The following ZNF518B variants were observed in gnomAD, a reference collection of about 807,000 sequenced individuals.
ZNF518B encodes zinc finger protein 518B.
ZNF518B carries 23 observed loss-of-function variants against 56.3 expected under a neutral mutation model. That is an observed-to-expected ratio of 0.41 (90% CI 0.29 to 0.58). The LOEUF is 0.58. ZNF518B is among the 20% of genes least tolerant of loss of function. The probability of loss-of-function intolerance (pLI) is 0.32; values close to 1 mark genes in which losing one functional copy is unlikely to be tolerated. For synonymous variants in ZNF518B, 529 were observed against 465.9 expected, an observed-to-expected ratio of 1.14 and a Z score of -1.74; for missense variants, 1,460 against 1,272.1, an observed-to-expected ratio of 1.15 and a Z score of -2.25.
upstream of ZNF518B, among the ~76,000 whole-genome samples, chr4:10,460,304 C>CAAA (rs1210892613): frequency 1.1e-4 from 1 of 8,788 alleles, no homozygotes; most frequent in Non-Finnish European, 1.6e-4. Context: ...GACTCTGTCT[C>CAAA]AAAAAAAAAA....
Position 10,444,748 on chromosome 4 carries a change from T to G in ZNF518B, c.1581A>C (p.Leu527Phe). The G allele has an allele frequency of 6.2e-7, 1 of 1,613,928 alleles. No homozygotes were observed. Among genetic ancestry groups the G allele is most frequent in the Non-Finnish European group, 8.5e-7 (1 of 1,179,894 alleles). ...TTGCAGGTGATGCAGCAAATGGGAG[T>G]AACTGCTGTGAGCTACTGTGTAAAT... ...GRNLHSSSQQ[L>F]LPFAASPATC... The change falls in exon 3 of 3, where the codon TTA becomes TTC. Residue 527 changes from leucine to phenylalanine, a missense_variant. Physicochemically the swap from Leu to Phe is conservative, Grantham distance 22. Transcript: ENST00000326756.
Position 10,445,718 on chromosome 4 carries a change from T to A in ZNF518B, c.611A>T (p.Tyr204Phe). 1 of 1,614,216 alleles carries A rather than the reference T, an allele frequency of 6.2e-7. No homozygotes were observed. Among genetic ancestry groups the A allele is most frequent in the Non-Finnish European group, 8.5e-7 (1 of 1,180,052 alleles). Reference sequence around the variant, plus strand: ...TACTCTCTTCGTGTGTTTGACAATATAATCATTTCTAATAGCACCATAGTC... The same window carrying A: ...TACTCTCTTCGTGTGTTTGACAATAAAATCATTTCTAATAGCACCATAGTC... Reference protein sequence around the residue: ...YCDYGAIRNDYIVKHTKRVHE... With the variant: ...YCDYGAIRNDFIVKHTKRVHE... Residue 204 changes from tyrosine to phenylalanine, a missense_variant, in exon 3 of 3, where the codon TAT (tyrosine) becomes TTT (phenylalanine). Tyr to Phe is a conservative substitution (Grantham distance 22). Coordinates refer to ENST00000326756, the MANE Select transcript of ZNF518B (RefSeq NM_053042.3).
In ZNF518B at chr4:10,444,097, T is replaced by G. The variant is rs1714832959; in HGVS notation, c.2232A>C (p.Ile744=). 2 of 1,614,132 alleles carry G rather than the reference T, an allele frequency of 1.2e-6. No individual in the cohort carries two copies. Among genetic ancestry groups the G allele is most frequent in the Admixed American group, 1.7e-5 (1 of 60,006 alleles). Residue 744 remains isoleucine, a synonymous_variant, in exon 3 of 3, where the codon ATA becomes ATC. Coordinates refer to ENST00000326756, the MANE Select transcript of ZNF518B (RefSeq NM_053042.3). ...TGNRQLTHQQ[I]YPHFADGSNR... ...TACTGCCATCTGCAAAGTGTGGATA[T>G]ATTTGTTGATGAGTAAGCTGTCTAT...
At chr4:10,460,862 G>T (rs937996572), upstream of ZNF518B, among the ~76,000 whole-genome samples, 3 of 152,240 alleles carry the variant, frequency 2.0e-5, no homozygotes, top group African/African-American at 7.2e-5. Context: ...CCAGGTCAGA[G>T]CACAGACATG....
rs1251281442 is a variant in ZNF518B at position 10,444,064 on chromosome 4, T to C, written c.2265A>G (p.Lys755=). ...YPHFADGSNR[K]TKSRVARKAH... ...CCTTCCTGGCCACTCTGCTTTTGGT[T>C]TTCCTATTACTGCCATCTGCAAAGT... The change falls in exon 3 of 3, where the codon AAA becomes AAG. Residue 755 remains lysine (K), a synonymous_variant. Transcript: ENST00000326756. The C allele has an allele frequency of 1.2e-6, 2 of 1,614,104 alleles. No homozygotes were observed. Among genetic ancestry groups the C allele is most frequent in the Admixed American group, 1.7e-5 (1 of 60,016 alleles).
intron 1 of ZNF518B, among the ~76,000 whole-genome samples, chr4:10,455,768 C>CA (rs1363309087): frequency 6.6e-5 from 10 of 151,942 alleles, no homozygotes; most frequent in Admixed American, 1.3e-4. Context: ...ACTGTCTACG[C>CA]AAAAAAGTGT....
chr4:10,445,922 T>C lies in ZNF518B; in HGVS notation c.407A>G (p.Tyr136Cys), dbSNP rs1289451405. 2 of 1,614,238 alleles carry C rather than the reference T, an allele frequency of 1.2e-6. No homozygotes were observed. The highest frequency in any genetic ancestry group is 8.5e-7 in the Non-Finnish European group (1 of 1,180,040). ...TGTAGAGAATCGACATTTATCACAA[T>C]AGTATTTGCCTGGCTTAAAGTTCCT... ...KVRNFKPGKY[Y>C]CDKCRFSTKD... is the part of the protein sequence containing the mutation. The change falls in exon 3 of 3, where the codon TAT becomes TGT. Residue 136 changes from tyrosine to cysteine, a missense_variant. Tyr to Cys is a radical substitution (Grantham distance 194, BLOSUM62 -2). Transcript: ENST00000326756.
Position 10,445,771 on chromosome 4 carries a change from G to A in ZNF518B, c.558C>T (p.Gly186=), listed in dbSNP as rs755813722. The stretch of plus-strand genomic sequence containing the variant: ...AATACTCACACTGATAAGGAAATAT[G>A]CCTGTGTGTTTCACCAAATGCCTCT... The part of the protein sequence containing the change: ...EFQRHLVKHT[G]IFPYQCEYCD... Residue 186 remains glycine (G), a synonymous_variant, in exon 3 of 3, where the codon GGC becomes GGT. Transcript: ENST00000326756. The A allele has an allele frequency of 7.4e-6, 12 of 1,614,172 alleles. 1 individual carries two copies. In the South Asian group the frequency reaches 7.7e-5, roughly 10 times the overall value.
Position 10,445,741 on chromosome 4 carries a change from G to A in ZNF518B, c.588C>T (p.Asp196=). 1.2e-6 allele frequency: 2 copies of A among 1,614,132 alleles called. No individual in the cohort carries two copies. The highest frequency in any genetic ancestry group is 1.3e-5 in the African/African-American group (1 of 75,014). ...TATAATCATTTCTAATAGCACCATA[G>A]TCACAATACTCACACTGATAAGGAA... ...GIFPYQCEYC[D]YGAIRNDYIV... The change falls in exon 3 of 3, where the codon GAC becomes GAT. Residue 196 remains aspartate (D), a synonymous_variant. Transcript: ENST00000326756.
In ZNF518B at chr4:10,443,146, T is replaced by C; in HGVS notation, c.3183A>G (p.Glu1061=). 1 of 1,614,126 alleles carries C rather than the reference T, an allele frequency of 6.2e-7. No homozygotes were observed. The highest frequency in any genetic ancestry group is 8.5e-7 in the Non-Finnish European group (1 of 1,180,006). Residue 1061 remains glutamate (E), a synonymous_variant, in exon 3 of 3, where the codon GAA becomes GAG. Transcript: ENST00000326756. ...WMSHGQRHLI[E]ATRDWDVLSS... ...AAAGAACATCCCAATCTCTAGTTGC[T>C]TCTATCAAATGCCGTTGGCCATGAC...
Position 10,444,641 on chromosome 4 carries a change from A to G in ZNF518B, c.1688T>C (p.Val563Ala). Residue 563 changes from valine (V) to alanine (A), a missense_variant, in exon 3 of 3, where the codon GTA (valine) becomes GCA (alanine). By Grantham distance (64) the Val-to-Ala change is moderately conservative. Coordinates refer to ENST00000326756, the MANE Select transcript of ZNF518B (RefSeq NM_053042.3). ...CTTCCTATTAGAGGAAACCACTTTT[A>G]CAGGAATATTGACTTTACTTGTAGA... ...LESTSKVNIP[V>A]KVVSSNRKQE... 1 of 1,614,228 alleles carries G rather than the reference A, an allele frequency of 6.2e-7. No individual in the cohort carries two copies. The highest frequency in any genetic ancestry group is 1.1e-5 in the South Asian group (1 of 91,084).
Position 10,446,244 on chromosome 4 carries a change from C to CA in ZNF518B, c.84dup (p.Ala29CysfsTer2), listed in dbSNP as rs1715048059. 6.2e-7 allele frequency: 1 copy of CA among 1,614,088 alleles called. No individual in the cohort carries two copies. Among genetic ancestry groups the CA allele is most frequent in the African/African-American group, 1.3e-5 (1 of 74,930 alleles). On this transcript the variant is annotated frameshift_variant, in exon 3 of 3. Coordinates refer to ENST00000326756, the MANE Select transcript of ZNF518B (RefSeq NM_053042.3). LOFTEE classifies it low-confidence loss of function (END_TRUNC). ...CTATTTGGCCGAGGTGCTCCATTAG[C>CA]ATCAGGCTGTTTGGGTGACATGGTC... is the stretch of plus-strand genomic sequence containing the variant.
In ZNF518B at chr4:10,443,663, T is replaced by C. The variant is rs1443881808; in HGVS notation, c.2666A>G (p.Asn889Ser). Residue 889 changes from asparagine (N) to serine (S), a missense_variant, in exon 3 of 3, where the codon AAT (asparagine) becomes AGT (serine). By Grantham distance (46) the Asn-to-Ser change is conservative. Transcript: ENST00000326756. ...LLSRSLSISR[N>S]KTKQVHLSRK... ...GGATAAGTGTACTTGTTTGGTTTTA[T>C]TTCTACTTATAGAAAGACTTCTGGA... The C allele has an allele frequency of 2.5e-6, 4 of 1,614,070 alleles. No individual in the cohort carries two copies. Among genetic ancestry groups the C allele is most frequent in the East Asian group, 2.2e-5 (1 of 44,884 alleles).
upstream of ZNF518B, among the ~76,000 whole-genome samples, chr4:10,457,883 C>G (rs1715618821): frequency 6.6e-6 from 1 of 152,214 alleles, no homozygotes; most frequent in Non-Finnish European, 1.5e-5. Flanking sequence ...CTCCCTACTC[C>G]TTTACATCTT....
At chr4:10,449,054 C>T (rs114387238) in intron 2 of ZNF518B, among the ~76,000 whole-genome samples, 4 of 152,278 alleles carry the variant, frequency 2.6e-5, no homozygotes, top group Non-Finnish European at 5.9e-5. Context: ...AAGAATGCTA[C>T]CATCATCAAT....
At position 10,440,183 on chromosome 4, in the gene ZNF518B, G is replaced by C. The variant is rs894960945; in HGVS notation, c.*2921C>G. On this transcript the variant is annotated 3_prime_UTR_variant, in exon 3 of 3. Transcript: ENST00000326756. ...GAGAAAATATATTTTGTTCAGTCTAGTTCAACAGACAGCAGGTGGCCCTTA... is the reference window on the plus strand; with the variant it reads ...GAGAAAATATATTTTGTTCAGTCTACTTCAACAGACAGCAGGTGGCCCTTA... 1 of 152,222 alleles carries C rather than the reference G, an allele frequency of 6.6e-6. No individual in the cohort carries two copies. The highest frequency in any genetic ancestry group is 1.5e-5 in the Non-Finnish European group (1 of 68,026). The allele number at this position is 152,222 out of a possible 1,614,324, so 9.4% of individuals were successfully genotyped here.
At position 10,446,264 on chromosome 4, in the gene ZNF518B, A is replaced by G; in HGVS notation, c.65T>C (p.Met22Thr). ...ATTAGCATCAGGCTGTTTGGGTGAC[A>G]TGGTCAAGGAATTATGTCCGCCGTT... Reference protein sequence around the residue: ...HLNGGHNSLTMSPKQPDANGA... With the variant: ...HLNGGHNSLTTSPKQPDANGA... Residue 22 changes from methionine to threonine, a missense_variant, in exon 3 of 3, where the codon ATG (methionine) becomes ACG (threonine). By Grantham distance (81) the Met-to-Thr change is moderately conservative (BLOSUM62 -1). Transcript: ENST00000326756. 6.2e-7 allele frequency: 1 copy of G among 1,614,214 alleles called. No individual in the cohort carries two copies. Among genetic ancestry groups the G allele is most frequent in the African/African-American group, 1.3e-5 (1 of 75,062 alleles).
At position 10,442,771 on chromosome 4, in the gene ZNF518B, T is replaced by C. The variant is rs1714740367; in HGVS notation, c.*333A>G. ...AACATTCTCAATCTGCCCCTCTGAA[T>C]GGATTATGAAAGATCAGTATGTACT... On this transcript the variant is annotated 3_prime_UTR_variant, in exon 3 of 3. Coordinates refer to ENST00000326756, the MANE Select transcript of ZNF518B (RefSeq NM_053042.3). 4.7e-6 allele frequency: 1 copy of C among 214,552 alleles called. No homozygotes were observed. Among genetic ancestry groups the C allele is most frequent in the Admixed American group, 5.1e-5 (1 of 19,548 alleles). 13.3% of individuals were successfully genotyped at this position (214,552 alleles called of 1,614,324 possible).
At position 10,445,384 on chromosome 4, in the gene ZNF518B, CACTTCT is replaced by C. The variant is rs1714948035; in HGVS notation, c.939_944del (p.Glu314_Val315del). On this transcript the variant is annotated inframe_deletion, in exon 3 of 3. Transcript: ENST00000326756. Reference sequence around the variant, plus strand: ...GAACAGGTTCTTTTGCAGGGGATAACACTTCTACTTCAACATTTTTGTTCTCAAATA... The same window carrying C: ...GAACAGGTTCTTTTGCAGGGGATAACACTTCAACATTTTTGTTCTCAAATA... The C allele has an allele frequency of 1.2e-6, 2 of 1,614,120 alleles. No individual in the cohort carries two copies. The highest frequency in any genetic ancestry group is 1.1e-5 in the South Asian group (1 of 91,086).
Sources: allele counts gnomAD v4.1 joint callset (sites outside exome capture counted in the v4.1 genomes callset), GRCh38; gene constraint gnomAD v4.1.1; transcripts MANE v1.5; gene names NCBI Gene and HGNC (gene_info 2026-07-23, HGNC 2026-07-21).